Variants in TRAM2 observed in about 807,000 individuals in gnomAD.
TRAM2 encodes translocation associated membrane protein 2, also known as translocating chain-associated membrane protein 2.
In TRAM2, 12 loss-of-function variants were observed where a neutral mutation model predicts 51.0. The observed-to-expected ratio is 0.24, with a 90% CI of 0.15 to 0.38. TRAM2 has a LOEUF of 0.38. Among genes scored for constraint, TRAM2 ranks in the 10% least tolerant of loss-of-function variants. The probability of loss-of-function intolerance (pLI) is 1.00; values close to 1 mark genes in which losing one functional copy is unlikely to be tolerated. For synonymous variants in TRAM2, 175 were observed against 179.4 expected, an observed-to-expected ratio of 0.98 and a Z score of 0.20; for missense variants, 361 against 462.0, an observed-to-expected ratio of 0.78 and a Z score of 2.00.
At chr6:52,521,568 G>T (rs1766674565) in intron 2 of TRAM2, among the ~76,000 whole-genome samples, 1 of 151,808 alleles carries the variant, frequency 6.6e-6, no homozygotes, top group African/African-American at 2.4e-5. Flanking sequence ...GTGGTGGCGG[G>T]CACCTGTAGT....
chr6:52,571,842 TGA>T (rs1767685888), intron 1 of TRAM2, among the ~76,000 whole-genome samples: 2 of 152,220 alleles, frequency 1.3e-5, no homozygotes, highest in Non-Finnish European at 2.9e-5. Flanking sequence ...GACCCACCAA[TGA>T]AGTCAGTACC....
chr6:52,538,089 A>C (rs1326683060), intron 1 of TRAM2, among the ~76,000 whole-genome samples: 1 of 152,182 alleles, frequency 6.6e-6, no homozygotes, highest in African/African-American at 2.4e-5. Flanking sequence ...GACTCCTCTG[A>C]AAATAAACCT....
In TRAM2 at chr6:52,570,795, A is replaced by ACC. The variant is rs59879346; in HGVS notation, c.120+5999_120+6000dup. 7.3e-3 allele frequency among the ~76,000 whole-genome samples: 469 copies of ACC among 64,200 alleles called. 6 individuals carry two copies. Among genetic ancestry groups the ACC allele is most frequent in the African/African-American group, 0.019 (262 of 13,664 alleles). The allele number at this position is 64,200 out of a possible 152,430, so 42.1% of individuals were successfully genotyped here. ...TCTGCCCCAATCCTCCCTGCCCACC[A>ACC]CCCCCCCCCCCACACGCACACACAC... is the stretch of plus-strand genomic sequence containing the variant. On this transcript the variant is annotated intron_variant, in intron 1 of 10. Coordinates refer to ENST00000182527, the MANE Select transcript of TRAM2 (RefSeq NM_012288.4).
rs1300404584 is a variant in TRAM2 at position 52,553,654 on chromosome 6, G to A, written c.121-17808C>T. Among the ~76,000 whole-genome samples, 3 of 152,184 alleles carry A rather than the reference G, an allele frequency of 2.0e-5. No individual in the cohort carries two copies. In the East Asian group the frequency reaches 5.8e-4, roughly 29 times the overall value. On this transcript the variant is annotated intron_variant, in intron 1 of 10. Coordinates refer to ENST00000182527, the MANE Select transcript of TRAM2 (RefSeq NM_012288.4). Reference sequence around the variant, plus strand: ...TACCTCTTTGTTGAGAGATAGTAGAGCACAATAGTTAAGAGCCCAGATTTT... The same window carrying A: ...TACCTCTTTGTTGAGAGATAGTAGAACACAATAGTTAAGAGCCCAGATTTT...
intron 1 of TRAM2, among the ~76,000 whole-genome samples, chr6:52,545,977 T>C (rs1406363464): frequency 2.0e-5 from 3 of 152,044 alleles, no homozygotes; most frequent in Non-Finnish European, 4.4e-5. Context: ...GATAAATCAG[T>C]ATGCAAAAAA....
At chr6:52,526,902 G>A (rs1766791332) in intron 2 of TRAM2, among the ~76,000 whole-genome samples, 2 of 152,164 alleles carry the variant, frequency 1.3e-5, no homozygotes, top group African/African-American at 4.8e-5. Context: ...ACAGCTAGGG[G>A]AAGGTGTGAA....
chr6:52,561,725 G>C (rs559883283), intron 1 of TRAM2, among the ~76,000 whole-genome samples: 2 of 151,920 alleles, frequency 1.3e-5, no homozygotes, highest in Admixed American at 1.3e-4. Flanking sequence ...TCCTGACCTC[G>C]TGATCCACCC....
intron 2 of TRAM2, among the ~76,000 whole-genome samples, chr6:52,526,084 T>C (rs1354815622): frequency 6.6e-6 from 1 of 151,918 alleles, no homozygotes; most frequent in African/African-American, 2.4e-5. Context: ...AGACAATACA[T>C]TTCTGTTGTT....
chr6:52,563,061 G>A (rs560953795), intron 1 of TRAM2, among the ~76,000 whole-genome samples: 13 of 152,254 alleles, frequency 8.5e-5, no homozygotes, highest in East Asian at 7.7e-4. Context: ...GCCTGTATAC[G>A]TACAAAATGA....
chr6:52,564,306 A>G (rs1433489241), intron 1 of TRAM2, among the ~76,000 whole-genome samples: 3 of 152,076 alleles, frequency 2.0e-5, no homozygotes, highest in African/African-American at 7.2e-5. Context: ...AAAATCTTCA[A>G]TGGCTCCCTA....
rs1444961209 is a variant in TRAM2, at chr6:52,499,637, A to G, written c.*3560T>C. 6.6e-6 allele frequency: 1 copy of G among 152,158 alleles called. No individual in the cohort carries two copies. Among genetic ancestry groups the G allele is most frequent in the East Asian group, 1.9e-4 (1 of 5,198 alleles). The allele number at this position is 152,158 out of a possible 1,614,324, so 9.4% of individuals were successfully genotyped here. On this transcript the variant is annotated 3_prime_UTR_variant, in exon 11 of 11. Transcript: ENST00000182527. ...GGGGTACTGACAAAGGAGGTCCCAA[A>G]AGAGACCCCAGAAGCACACACCCAC...
chr6:52,539,483 T>G (rs1767039182), intron 1 of TRAM2, among the ~76,000 whole-genome samples: 1 of 151,934 alleles, frequency 6.6e-6, no homozygotes, highest in South Asian at 2.1e-4. Context: ...GTCAGCACCA[T>G]GAGGGCCAAG....
intron 1 of TRAM2, among the ~76,000 whole-genome samples, chr6:52,550,157 C>CCTGGCTCCTTTCCTGCTGGACAGTT (rs1402576375): frequency 6.6e-6 from 1 of 152,180 alleles, no homozygotes; most frequent in African/African-American, 2.4e-5. Context: ...GTATTCATCA[C>CCTGGCTCCTTTCCTGCTGGACAGTT]CTGGCTCCTT....
intron 1 of TRAM2, among the ~76,000 whole-genome samples, chr6:52,573,893 G>A (rs1176063521): frequency 2.6e-5 from 4 of 152,178 alleles, no homozygotes; most frequent in Non-Finnish European, 2.9e-5. Flanking sequence ...GCAGAGGCAC[G>A]ACAGAGGTCC....
Position 52,498,106 on chromosome 6 carries a change from AG to A in TRAM2, c.*5090del, listed in dbSNP as rs1766125187. On this transcript the variant is annotated 3_prime_UTR_variant, in exon 11 of 11. Transcript: ENST00000182527. ...AAAAGAGTGCCACAGAAACCCACCC[AG>A]GATCACAAGAATGACAACAAAAGGA... 1 of 152,526 alleles carries A rather than the reference AG, an allele frequency of 6.6e-6. No homozygotes were observed. Among genetic ancestry groups the A allele is most frequent in the Non-Finnish European group, 1.5e-5 (1 of 68,046 alleles). The allele number at this position is 152,526 out of a possible 1,614,324, so 9.4% of individuals were successfully genotyped here. A position where few individuals can be genotyped will look rare whatever the true frequency, so the allele number is the denominator to read the frequency against.
chr6:52,540,051 C>G (rs963112993), intron 1 of TRAM2, among the ~76,000 whole-genome samples: 4 of 151,678 alleles, frequency 2.6e-5, no homozygotes, highest in African/African-American at 9.7e-5. Flanking sequence ...CCCTAGCCCC[C>G]CTGGTAGTAG....
intron 2 of TRAM2, among the ~76,000 whole-genome samples, chr6:52,531,034 T>C (rs535402236): frequency 3.6e-5 from 5 of 139,844 alleles, no homozygotes; most frequent in African/African-American, 1.3e-4. Context: ...CTGGCTCTAC[T>C]AAAATTCAGT....
intron 4 of TRAM2, among the ~76,000 whole-genome samples, chr6:52,513,131 G>T (rs1766480509): frequency 2.0e-5 from 3 of 152,136 alleles, no homozygotes; most frequent in Admixed American, 2.0e-4. Context: ...TGGCGGTCCA[G>T]CCACACTCCC....
chr6:52,557,703 T>C (rs1767433845), intron 1 of TRAM2, among the ~76,000 whole-genome samples: 1 of 152,152 alleles, frequency 6.6e-6, no homozygotes, highest in Admixed American at 6.5e-5. Context: ...GAAGAGCCTG[T>C]GAGTTAATCA....
Sources: gnomAD v4.1 joint callset for allele counts (sites outside exome capture counted in the v4.1 genomes callset) on GRCh38, gnomAD v4.1.1 for gene constraint, MANE v1.5 for transcripts, NCBI Gene and HGNC (gene_info 2026-07-23, HGNC 2026-07-21) for gene names.